KCNQ5: variants seen among roughly 807,000 people sequenced by gnomAD.
KCNQ5 encodes potassium voltage-gated channel subfamily KQT member 5.
Under a neutral mutation model 98.2 loss-of-function variants are expected in KCNQ5, and 30 were observed. That is an observed-to-expected ratio of 0.31 (90% CI 0.23 to 0.41). The LOEUF (loss-of-function observed/expected upper bound fraction) is 0.41, where lower values mean the gene tolerates loss of function less well. Among genes scored for constraint, KCNQ5 ranks in the 10% least tolerant of loss-of-function variants. The pLI, the probability that KCNQ5 is intolerant of heterozygous loss-of-function variation, is 1.00. For missense variants in KCNQ5, 835 were observed against 1,182.5 expected (o/e 0.71, Z 4.31); for synonymous variants, 458 against 449.4 (o/e 1.02, Z -0.24).
In KCNQ5 at chr6:72,867,622, A is replaced by C. The variant is rs147271025; in HGVS notation, c.399-136286A>C. ...CCAAAGAAAAGAAATTGCAGAGGTA[A>C]TAGAGCAGCTGTTTCCAAATAACTG... On this transcript the variant is annotated intron_variant, in intron 1 of 13. Coordinates refer to ENST00000370398, the MANE Select transcript of KCNQ5 (RefSeq NM_019842.4). Among the ~76,000 whole-genome samples the C allele has an allele frequency of 3.6e-3, 552 of 152,260 alleles. 2 individuals are homozygous for C. The highest frequency in any genetic ancestry group is 0.014 in the Middle Eastern group (4 of 294).
intron 8 of KCNQ5, among the ~76,000 whole-genome samples, chr6:73,121,775 A>G (rs2150440763): frequency 6.6e-6 from 1 of 152,356 alleles, no homozygotes; most frequent in African/African-American, 2.4e-5. Context: ...GGGAAGCACC[A>G]GATCCATCAT....
chr6:72,913,215 G>A (rs1472653179), intron 1 of KCNQ5, among the ~76,000 whole-genome samples: 1 of 152,092 alleles, frequency 6.6e-6, no homozygotes, highest in East Asian at 1.9e-4. Flanking sequence ...ACCACAAGTA[G>A]ATTTCAGTAA....
At chr6:72,641,175 C>T (rs1421681604) in intron 1 of KCNQ5, among the ~76,000 whole-genome samples, 1 of 152,036 alleles carries the variant, frequency 6.6e-6, no homozygotes, top group Non-Finnish European at 1.5e-5. Context: ...GTATTTAGCC[C>T]ATTCAGTTGC....
intron 1 of KCNQ5, among the ~76,000 whole-genome samples, chr6:72,638,884 G>A (rs1044181760): frequency 2.0e-5 from 3 of 152,158 alleles, no homozygotes; most frequent in African/African-American, 4.8e-5. Context: ...GTGCAGAAAC[G>A]GAGAATAGGA....
rs191078740 is a variant in KCNQ5 at position 72,882,726 on chromosome 6, C to T, written c.399-121182C>T. Among the ~76,000 whole-genome samples, 43 of 152,194 alleles carry T rather than the reference C, an allele frequency of 2.8e-4. 1 individual carries two copies. The highest frequency in any genetic ancestry group is 2.8e-3 in the Admixed American group (43 of 15,286). The stretch of plus-strand genomic sequence containing the variant: ...GGGAGTCATTATGTACATGGATGGA[C>T]ATATTGCTTTTATTTTCTTCCCTTT... On this transcript the variant is annotated intron_variant, in intron 1 of 13. Coordinates refer to ENST00000370398, the MANE Select transcript of KCNQ5 (RefSeq NM_019842.4).
At chr6:73,076,463 C>T (rs1773546677) in intron 3 of KCNQ5, among the ~76,000 whole-genome samples, 1 of 152,186 alleles carries the variant, frequency 6.6e-6, no homozygotes, top group South Asian at 2.1e-4. Flanking sequence ...TCCCATCACT[C>T]AGATGTTTAC....
intron 11 of KCNQ5, among the ~76,000 whole-genome samples, chr6:73,190,288 T>A (rs912985302): frequency 5.3e-5 from 8 of 152,210 alleles, no homozygotes; most frequent in African/African-American, 1.9e-4. Context: ...CATTTTGACT[T>A]TAACTTACAT....
rs2150457713 is a variant in KCNQ5, at chr6:73,133,606, G to A, written c.1433G>A (p.Arg478His). 5 of 1,614,152 alleles carry A rather than the reference G, an allele frequency of 3.1e-6. No homozygotes were observed. Among genetic ancestry groups the A allele is most frequent in the Non-Finnish European group, 4.2e-6 (5 of 1,180,024 alleles). Reference sequence around the variant, plus strand: ...CGAACCCGCTTCCGGCCCTCGCTGCGCCTCAAAAGTTCTCAGCCAAAACCA... The same window carrying A: ...CGAACCCGCTTCCGGCCCTCGCTGCACCTCAAAAGTTCTCAGCCAAAACCA... ...NDRTRFRPSL[R>H]LKSSQPKPVI... The change falls in exon 10 of 14, where the codon CGC becomes CAC. Residue 478 changes from arginine (R) to histidine (H), a missense_variant. By Grantham distance (29) the Arg-to-His change is conservative. Coordinates refer to ENST00000370398, the MANE Select transcript of KCNQ5 (RefSeq NM_019842.4).
intron 1 of KCNQ5, among the ~76,000 whole-genome samples, chr6:72,896,742 G>A (rs1779266279): frequency 6.6e-6 from 1 of 152,076 alleles, no homozygotes; most frequent in South Asian, 2.1e-4. Context: ...AGTCTTCCAA[G>A]TTGGAAAAAG....
intron 1 of KCNQ5, among the ~76,000 whole-genome samples, chr6:72,940,770 A>G (rs1291055422): frequency 6.6e-6 from 1 of 152,212 alleles, no homozygotes; most frequent in Admixed American, 6.5e-5. Flanking sequence ...TTCTGCACGT[A>G]CTAGCTCTGT....
intron 1 of KCNQ5, among the ~76,000 whole-genome samples, chr6:72,646,557 C>G (rs758397833): frequency 3.3e-5 from 5 of 152,132 alleles, no homozygotes; most frequent in African/African-American, 4.8e-5. Context: ...ACATAGTTTA[C>G]TGTTGCATGG....
chr6:73,121,459 C>A (rs1173526619), intron 8 of KCNQ5, among the ~76,000 whole-genome samples: 1 of 152,138 alleles, frequency 6.6e-6, no homozygotes, highest in Non-Finnish European at 1.5e-5. Flanking sequence ...AATACCGAAG[C>A]AGTAAGTCAT....
At chr6:72,732,155 G>A (rs962387292) in intron 1 of KCNQ5, among the ~76,000 whole-genome samples, 2 of 152,150 alleles carry the variant, frequency 1.3e-5, no homozygotes, top group Admixed American at 6.6e-5. Context: ...TTAAGACATA[G>A]TCCCTGCCTT....
intron 1 of KCNQ5, among the ~76,000 whole-genome samples, chr6:72,949,252 C>A (rs543298862): frequency 6.6e-6 from 1 of 152,254 alleles, no homozygotes; most frequent in South Asian, 2.1e-4. Context: ...AAAATAATTT[C>A]CTCTTTTGGA....
chr6:72,966,469 G>C (rs1767618820), intron 1 of KCNQ5, among the ~76,000 whole-genome samples: 1 of 151,972 alleles, frequency 6.6e-6, no homozygotes, highest in African/African-American at 2.4e-5. Flanking sequence ...TCAGGAGGCT[G>C]AGGAAGGAGA....
intron 1 of KCNQ5, among the ~76,000 whole-genome samples, chr6:72,649,573 C>G (rs1312928607): frequency 6.6e-6 from 1 of 152,160 alleles, no homozygotes; most frequent in Non-Finnish European, 1.5e-5. Flanking sequence ...CACCATCAAT[C>G]TTGGCACACA....
At chr6:73,127,786 A>AG (rs1776050566) in intron 9 of KCNQ5, among the ~76,000 whole-genome samples, 1 of 152,246 alleles carries the variant, frequency 6.6e-6, no homozygotes, top group South Asian at 2.1e-4. Flanking sequence ...ACAATGGCCA[A>AG]GTGCAGTGCC....
chr6:73,086,415 CT>C (rs1324791517), intron 5 of KCNQ5, among the ~76,000 whole-genome samples: 1 of 152,166 alleles, frequency 6.6e-6, no homozygotes, highest in Admixed American at 6.5e-5. Context: ...CAACTGTGCC[CT>C]TAACCGAATT....
chr6:72,622,312 C>A lies in KCNQ5; in HGVS notation c.123C>A (p.Ser41=), dbSNP rs3734212. ...GCAGCGGCATGAAGGATGTGGAGTC[C>A]GGCCGGGGCAGGGTGCTGCTGAACT... ...RLGSGMKDVE[S]GRGRVLLNSA... is the part of the protein sequence containing the mutation. Residue 41 remains serine (S), a synonymous_variant, in exon 1 of 14, where the codon TCC becomes TCA. Transcript: ENST00000370398. The surrounding 1 kb of genome is among the most constrained non-coding windows in gnomAD (Gnocchi z 6.0). 7.3e-7 allele frequency: 1 copy of A among 1,361,148 alleles called. No homozygotes were observed. Among genetic ancestry groups the A allele is most frequent in the East Asian group, 3.0e-5 (1 of 33,840 alleles). The allele number at this position is 1,361,148 out of a possible 1,614,324, so 84.3% of individuals were successfully genotyped here. A position where few individuals can be genotyped will look rare whatever the true frequency, so the allele number is the denominator to read the frequency against.
Sources: allele counts gnomAD v4.1 joint callset (sites outside exome capture counted in the v4.1 genomes callset), GRCh38; gene constraint gnomAD v4.1.1; non-coding constraint Gnocchi (gnomAD v3.1); transcripts MANE v1.5; gene names NCBI Gene and HGNC (gene_info 2026-07-23, HGNC 2026-07-21).